NR2C2: variants seen among roughly 807,000 people sequenced by gnomAD.
The protein encoded by NR2C2 is Nuclear hormone receptor TR4.
A neutral mutation model predicts 62.9 loss-of-function variants in NR2C2; 6 were observed. The observed-to-expected ratio is 0.10, with a 90% CI of 0.05 to 0.19. The LOEUF (loss-of-function observed/expected upper bound fraction) is 0.19, where lower values mean the gene tolerates loss of function less well. Among genes scored for constraint, NR2C2 ranks in the 10% least tolerant of loss-of-function variants. The pLI, the probability that NR2C2 is intolerant of heterozygous loss-of-function variation, is 1.00. For missense variants in NR2C2, 479 were observed against 762.7 expected (o/e 0.63, Z 4.38); for synonymous variants, 272 against 273.8 (o/e 0.99, Z 0.07).
intron 7 of NR2C2, chr3:15,027,083 T>G (rs1221730650): frequency 6.6e-6 from 1 of 152,342 alleles, no homozygotes; most frequent in Non-Finnish European, 1.5e-5. Flanking sequence ...GTCAGGCTGG[T>G]CTTAAACTCC....
intron 5 of NR2C2, 41 bp from the exon 6 acceptor site, chr3:15,023,159 A>T: frequency 6.2e-7 from 1 of 1,606,456 alleles, no homozygotes; most frequent in South Asian, 1.1e-5. Context: ...TATTGATTGG[A>T]ATTGTTTCTC....
At chr3:15,019,212 G>A (rs2125012392) in intron 4 of NR2C2, among the ~76,000 whole-genome samples, 1 of 151,514 alleles carries the variant, frequency 6.6e-6, no homozygotes, top group Non-Finnish European at 1.5e-5. Flanking sequence ...GAGTGACTAA[G>A]ACTCTTGTCT....
At chr3:14,959,158 A>ACCG (rs2039616717) in intron 1 of NR2C2, 4 of 152,112 alleles carry the variant, frequency 2.6e-5, no homozygotes, top group Admixed American at 2.6e-4. Context: ...TGTCTCTAGG[A>ACCG]CCGCCTATGG....
intron 13 of NR2C2, among the ~76,000 whole-genome samples, chr3:15,042,075 C>T (rs1283224778): frequency 1.3e-5 from 2 of 152,088 alleles, no homozygotes; most frequent in African/African-American, 2.4e-5. Flanking sequence ...CCGGTTTGGG[C>T]TGTCACACAT....
chr3:14,959,324 G>C (rs1320753975), intron 1 of NR2C2: 1 of 152,142 alleles, frequency 6.6e-6, no homozygotes, highest in African/African-American at 2.4e-5. Context: ...TATCCTGGAA[G>C]AAAAAGCCTT....
intron 10 of NR2C2, 31 bp downstream of exon 10, chr3:15,032,531 C>G (rs373594110): frequency 6.2e-7 from 1 of 1,613,976 alleles, no homozygotes; most frequent in East Asian, 2.2e-5. Context: ...CATGTATCCT[C>G]GGGCAGGAGC....
chr3:15,032,642 T>C lies in NR2C2; in HGVS notation c.1232+142T>C, dbSNP rs181393505. 3.0e-4 allele frequency: 287 copies of C among 947,314 alleles called. No individual in the cohort carries two copies. The African/African-American group carries it at 3.9e-3, about 13-fold the overall frequency. The allele number at this position is 947,314 out of a possible 1,614,324, so 58.7% of individuals were successfully genotyped here. A position where few individuals can be genotyped will look rare whatever the true frequency, so the allele number is the denominator to read the frequency against. The stretch of plus-strand genomic sequence containing the variant: ...AGGACCCTGAGTTTTTTATTAAATA[T>C]AGTTAGTGGACTGGTAGCAGGATTA... On this transcript the variant is annotated intron_variant, in intron 10 of 13. Coordinates refer to ENST00000425241, the MANE Select transcript of NR2C2 (RefSeq NM_001291694.2).
intron 13 of NR2C2, among the ~76,000 whole-genome samples, chr3:15,039,796 AAGTT>A (rs2042202542): frequency 6.6e-6 from 1 of 152,206 alleles, no homozygotes; most frequent in South Asian, 2.1e-4. Context: ...TAATGGAAAA[AAGTT>A]TGTTTGGGTG....
intron 5 of NR2C2, among the ~76,000 whole-genome samples, chr3:15,022,742 C>A (rs1355205026): frequency 6.6e-6 from 1 of 152,084 alleles, no homozygotes; most frequent in Non-Finnish European, 1.5e-5. Flanking sequence ...GAAGTAAAAA[C>A]CAGCTGGGCA....
chr3:14,954,268 AAAAAT>A (rs1453366030), intron 1 of NR2C2, among the ~76,000 whole-genome samples: 13 of 152,290 alleles, frequency 8.5e-5, no homozygotes, highest in African/African-American at 2.9e-4. Context: ...ACAGATTTTT[AAAAAT>A]AAAATAAATT....
chr3:14,975,387 C>T (rs2040174622), intron 1 of NR2C2, among the ~76,000 whole-genome samples: 1 of 151,976 alleles, frequency 6.6e-6, no homozygotes, highest in Non-Finnish European at 1.5e-5. Context: ...GAGGTAATTT[C>T]CTTCTATTCC....
chr3:14,971,248 G>C (rs746370170), intron 1 of NR2C2, among the ~76,000 whole-genome samples: 15 of 151,524 alleles, frequency 9.9e-5, no homozygotes, highest in Non-Finnish European at 1.8e-4. Flanking sequence ...CTCCTGAGTA[G>C]GTGGGATTAC....
intron 1 of NR2C2, among the ~76,000 whole-genome samples, chr3:14,986,205 A>G (rs533095351): frequency 2.0e-5 from 3 of 152,234 alleles, no homozygotes; most frequent in Non-Finnish European, 4.4e-5. Context: ...TCAATATATA[A>G]TAATAATTAT....
In NR2C2 at chr3:15,048,669, G is replaced by A. The variant is rs1027383369; in HGVS notation, c.*5661G>A. Reference sequence around the variant, plus strand: ...GACCATAGCATTCATGGACTCAAATGCTGCTGCCACACACAACTCAAGTGC... The same window carrying A: ...GACCATAGCATTCATGGACTCAAATACTGCTGCCACACACAACTCAAGTGC... On this transcript the variant is annotated 3_prime_UTR_variant, in exon 14 of 14. Coordinates refer to ENST00000425241, the MANE Select transcript of NR2C2 (RefSeq NM_001291694.2). 1 of 152,638 alleles carries A rather than the reference G, an allele frequency of 6.6e-6. No homozygotes were observed. Among genetic ancestry groups the A allele is most frequent in the Admixed American group, 6.5e-5 (1 of 15,276 alleles). The allele number at this position is 152,638 out of a possible 1,614,324, so 9.5% of individuals were successfully genotyped here.
At chr3:15,002,084 C>T (rs770659704) in intron 1 of NR2C2, among the ~76,000 whole-genome samples, 12 of 152,058 alleles carry the variant, frequency 7.9e-5, no homozygotes, top group Non-Finnish European at 1.5e-4. Context: ...CTTTTTCTTT[C>T]CTAATTGCCC....
intron 1 of NR2C2, among the ~76,000 whole-genome samples, chr3:14,955,367 G>C (rs961338827): frequency 2.4e-4 from 36 of 152,064 alleles, no homozygotes; most frequent in Middle Eastern, 3.2e-3. Flanking sequence ...GTGTATATCA[G>C]TTATTAAATG....
chr3:14,970,330 A>G (rs1226608208), intron 1 of NR2C2, among the ~76,000 whole-genome samples: 1 of 152,106 alleles, frequency 6.6e-6, no homozygotes, highest in Admixed American at 6.6e-5. Flanking sequence ...TAATTGCGGT[A>G]AAATATAAAA....
At chr3:14,971,936 G>A (rs1446651438) in intron 1 of NR2C2, among the ~76,000 whole-genome samples, 1 of 150,370 alleles carries the variant, frequency 6.7e-6, no homozygotes, top group Non-Finnish European at 1.5e-5. Context: ...AGCCTCCCGA[G>A]TAGCTGGGAT....
chr3:14,949,311 G>A (rs571268978), intron 1 of NR2C2, among the ~76,000 whole-genome samples: 1 of 152,338 alleles, frequency 6.6e-6, no homozygotes, highest in East Asian at 1.9e-4. Context: ...CTCTGAGTAA[G>A]TGATGTTTGA....
Sources: allele counts gnomAD v4.1 joint callset (sites outside exome capture counted in the v4.1 genomes callset), GRCh38; gene constraint gnomAD v4.1.1; transcripts MANE v1.5; gene names NCBI Gene and HGNC (gene_info 2026-07-23, HGNC 2026-07-21).